Variants in ANKRD55 observed in about 807,000 individuals in gnomAD.
ANKRD55 encodes the protein ankyrin repeat domain 55.
In ANKRD55, 41 loss-of-function variants were observed where a neutral mutation model predicts 60.6. The ratio of observed to expected loss-of-function variants is 0.68; its 90% confidence interval spans 0.53 to 0.88. The LOEUF is 0.88. Ranked by LOEUF, ANKRD55 falls within the 40% of genes least tolerant of loss-of-function variation. The pLI, the probability that ANKRD55 is intolerant of heterozygous loss-of-function variation, is 0.00. For synonymous variants in ANKRD55, 264 were observed against 290.3 expected (o/e 0.91, Z 0.92); for missense variants, 732 against 767.6 (o/e 0.95, Z 0.55).
chr5:56,221,560 G>A (rs1488827616), intron 2 of ANKRD55, among the ~76,000 whole-genome samples: 5 of 152,220 alleles, frequency 3.3e-5, no homozygotes, highest in South Asian at 4.1e-4. Context: ...CACCTCACGC[G>A]GGAAGCGCAA....
intron 2 of ANKRD55, among the ~76,000 whole-genome samples, chr5:56,231,352 A>T (rs980690215): frequency 3.3e-5 from 5 of 152,210 alleles, no homozygotes; most frequent in Admixed American, 2.6e-4. Flanking sequence ...CAATCCTGTT[A>T]GAAGGTACAG....
At chr5:56,197,389 C>G (rs900085875) in intron 2 of ANKRD55, among the ~76,000 whole-genome samples, 1 of 152,110 alleles carries the variant, frequency 6.6e-6, no homozygotes, top group Admixed American at 6.6e-5. Context: ...AAAAGGTCTA[C>G]AATTGTTAGT....
At chr5:56,182,065 C>T (rs1758860746) in intron 3 of ANKRD55, among the ~76,000 whole-genome samples, 1 of 152,022 alleles carries the variant, frequency 6.6e-6, no homozygotes, top group Non-Finnish European at 1.5e-5. Flanking sequence ...TTTCTCATCT[C>T]TTCTTTTTGG....
intron 5 of ANKRD55, among the ~76,000 whole-genome samples, chr5:56,164,240 C>A (rs78065685): frequency 1.3e-3 from 200 of 152,262 alleles, no homozygotes; most frequent in Middle Eastern, 6.8e-3. Context: ...CTGGGGACAA[C>A]TCATCCCTAT....
chr5:56,164,532 A>G (rs1758405600), intron 5 of ANKRD55, among the ~76,000 whole-genome samples: 1 of 152,156 alleles, frequency 6.6e-6, no homozygotes, highest in Non-Finnish European at 1.5e-5. Context: ...ACAGGGAGGA[A>G]AAAAAGTCTG....
chr5:56,183,673 C>T (rs758681516), intron 2 of ANKRD55, 39 bp from the exon 3 acceptor site: 15 of 1,604,072 alleles, frequency 9.4e-6, no homozygotes, highest in South Asian at 2.2e-5. Flanking sequence ...GTGTGTGGAG[C>T]CAGTTCACTG....
chr5:56,109,762 C>T (rs1756616856), intron 10 of ANKRD55, among the ~76,000 whole-genome samples: 1 of 152,156 alleles, frequency 6.6e-6, no homozygotes, highest in South Asian at 2.1e-4. Context: ...TGGCTCACGC[C>T]TGTAATCCCA....
At chr5:56,154,617 C>T (rs1399596598) in intron 6 of ANKRD55, among the ~76,000 whole-genome samples, 3 of 130,112 alleles carry the variant, frequency 2.3e-5, no homozygotes, top group African/African-American at 8.9e-5. Flanking sequence ...CAGAGTCTTG[C>T]TCTGTTGCCT....
rs553907245 is a variant in ANKRD55, at chr5:56,114,781, G to A, written c.965+1834C>T. 2.2e-4 allele frequency among the ~76,000 whole-genome samples: 34 copies of A among 152,232 alleles called. No homozygotes were observed. The South Asian group carries it at 7.0e-3, about 32-fold the overall frequency. On this transcript the variant is annotated intron_variant, in intron 9 of 11. Coordinates refer to ENST00000341048, the MANE Select transcript of ANKRD55 (RefSeq NM_024669.3). Reference sequence around the variant, plus strand: ...CTGCTGCTTGTTAAGTTTTGGTATCGTATCAAAGAAAAATACACACAATTA... The same window carrying A: ...CTGCTGCTTGTTAAGTTTTGGTATCATATCAAAGAAAAATACACACAATTA...
chr5:56,219,204 T>C (rs1251996341), intron 2 of ANKRD55, among the ~76,000 whole-genome samples: 2 of 129,396 alleles, frequency 1.5e-5, no homozygotes, highest in Non-Finnish European at 3.1e-5. Flanking sequence ...ACCCCGGAGG[T>C]GGAGGTTGCA....
intron 5 of ANKRD55, among the ~76,000 whole-genome samples, chr5:56,169,694 A>T (rs955658237): frequency 5.3e-5 from 8 of 152,188 alleles, no homozygotes; most frequent in Non-Finnish European, 1.0e-4. Context: ...AGCCTGGAAG[A>T]TTATGGCCTT....
chr5:56,140,794 G>A (rs1029554565), intron 7 of ANKRD55, among the ~76,000 whole-genome samples: 2 of 152,180 alleles, frequency 1.3e-5, no homozygotes, highest in Non-Finnish European at 2.9e-5. Context: ...TGGGCGTAGT[G>A]GTTCATGCCA....
At chr5:56,109,890 T>C (rs969250151) in intron 10 of ANKRD55, among the ~76,000 whole-genome samples, 1 of 151,986 alleles carries the variant, frequency 6.6e-6, no homozygotes, top group Middle Eastern at 3.2e-3. Flanking sequence ...TGGTGGCATA[T>C]GCCTGTAGTC....
At chr5:56,222,079 A>G (rs111871963) in intron 2 of ANKRD55, among the ~76,000 whole-genome samples, 1 of 151,898 alleles carries the variant, frequency 6.6e-6, no homozygotes, top group Non-Finnish European at 1.5e-5. Flanking sequence ...GAGTAGCCTA[A>G]CTGGGAGGCA....
intron 2 of ANKRD55, among the ~76,000 whole-genome samples, chr5:56,221,075 A>G (rs1221090176): frequency 2.0e-5 from 3 of 152,038 alleles, no homozygotes; most frequent in African/African-American, 7.3e-5. Context: ...ATTCTCCTCA[A>G]TGTTCCTGGG....
In ANKRD55 at chr5:56,166,231, TTCTC is replaced by T. The variant is rs1236033259; in HGVS notation, c.422+4459_422+4462del. On this transcript the variant is annotated intron_variant, in intron 5 of 11. Coordinates refer to ENST00000341048, the MANE Select transcript of ANKRD55 (RefSeq NM_024669.3). ...TCTCTCTCTCTCTTTCTTTCTTTCT[TTCTC>T]TCTATCTTTCTCTCTTTCTTTCCTT... Among the ~76,000 whole-genome samples, 19 of 145,460 alleles carry T rather than the reference TTCTC, an allele frequency of 1.3e-4. No individual in the cohort carries two copies. The South Asian group carries it at 3.6e-3, about 28-fold the overall frequency.
intron 6 of ANKRD55, among the ~76,000 whole-genome samples, chr5:56,153,262 A>AAACAAC (rs75381532): frequency 1.3e-5 from 2 of 151,502 alleles, no homozygotes; most frequent in South Asian, 2.1e-4. Flanking sequence ...CTTCCACTAA[A>AAACAAC]AACAACAACA....
At chr5:56,166,165 C>T (rs372893526) in intron 5 of ANKRD55, among the ~76,000 whole-genome samples, 1,470 of 38,302 alleles carry the variant, frequency 0.038, 24 homozygotes, top group Middle Eastern at 0.19. Context: ...TTCTTTCCTT[C>T]CTTCCTTCCT....
chr5:56,137,775 G>A (rs946888906), intron 7 of ANKRD55, among the ~76,000 whole-genome samples: 4 of 152,084 alleles, frequency 2.6e-5, no homozygotes, highest in African/African-American at 9.7e-5. Context: ...TGTAAAAGAC[G>A]TATCTAATAA....
Sources: gnomAD v4.1 joint callset for allele counts (sites outside exome capture counted in the v4.1 genomes callset) on GRCh38, gnomAD v4.1.1 for gene constraint, MANE v1.5 for transcripts, NCBI Gene and HGNC (gene_info 2026-07-23, HGNC 2026-07-21) for gene names.